The following ROR1 variants were observed in gnomAD, a reference collection of about 807,000 sequenced individuals.
The protein encoded by ROR1 is inactive tyrosine-protein kinase transmembrane receptor ROR1.
ROR1 carries 19 observed loss-of-function variants against 78.8 expected under a neutral mutation model. The ratio of observed to expected loss-of-function variants is 0.24; its 90% confidence interval spans 0.17 to 0.35. ROR1 has a LOEUF of 0.35. Ranked by LOEUF, ROR1 falls within the 10% of genes least tolerant of loss-of-function variation. The probability of loss-of-function intolerance (pLI) is 1.00; values close to 1 mark genes in which losing one functional copy is unlikely to be tolerated. For missense variants in ROR1, 917 were observed against 1,177.8 expected, an observed-to-expected ratio of 0.78 and a Z score of 3.24; for synonymous variants, 386 against 433.6, an observed-to-expected ratio of 0.89 and a Z score of 1.36.
At chr1:64,072,324 G>T (rs1420726936) in intron 4 of ROR1, among the ~76,000 whole-genome samples, 1 of 152,056 alleles carries the variant, frequency 6.6e-6, no homozygotes, top group Non-Finnish European at 1.5e-5. Flanking sequence ...GTGTGTAAAT[G>T]GCCCTCAGAG....
At chr1:64,083,259 G>A (rs900661777) in intron 4 of ROR1, among the ~76,000 whole-genome samples, 1 of 152,124 alleles carries the variant, frequency 6.6e-6, no homozygotes, top group Non-Finnish European at 1.5e-5. Context: ...AGCTTTTTAG[G>A]AACAGGTGAT....
chr1:64,030,987 C>A (rs1180078058), intron 2 of ROR1, among the ~76,000 whole-genome samples: 1 of 152,138 alleles, frequency 6.6e-6, no homozygotes, highest in African/African-American at 2.4e-5. Context: ...ATCGATCTTC[C>A]CACTTCAGCC....
intron 4 of ROR1, among the ~76,000 whole-genome samples, chr1:64,056,354 ATTAT>A (rs55742208): frequency 8.1e-5 from 12 of 148,312 alleles, no homozygotes; most frequent in African/African-American, 1.5e-4. Context: ...TTATTTAAAA[ATTAT>A]TTATTTATTT....
At chr1:63,999,421 T>G (rs779910336) in intron 1 of ROR1, among the ~76,000 whole-genome samples, 1 of 152,340 alleles carries the variant, frequency 6.6e-6, no homozygotes, top group South Asian at 2.1e-4. Flanking sequence ...AAATATCTGG[T>G]TTGCCATAAG....
intron 1 of ROR1, among the ~76,000 whole-genome samples, chr1:63,893,213 G>C (rs1164419056): frequency 6.6e-6 from 1 of 152,046 alleles, no homozygotes; most frequent in East Asian, 1.9e-4. Flanking sequence ...TTTTTGTATT[G>C]AGAGGGCAGT....
intron 1 of ROR1, among the ~76,000 whole-genome samples, chr1:63,827,189 C>T (rs773579562): frequency 6.6e-6 from 1 of 151,978 alleles, no homozygotes; most frequent in Non-Finnish European, 1.5e-5. Flanking sequence ...GATATTAGAC[C>T]TTTGCTGGGT....
intron 1 of ROR1, among the ~76,000 whole-genome samples, chr1:63,908,290 G>A (rs1400773216): frequency 2.0e-5 from 3 of 152,102 alleles, no homozygotes; most frequent in Non-Finnish European, 2.9e-5. Flanking sequence ...AATGAGGAGT[G>A]ACAAAGCAAA....
chr1:63,967,637 C>A (rs574128226), intron 1 of ROR1, among the ~76,000 whole-genome samples: 1 of 152,148 alleles, frequency 6.6e-6, no homozygotes, highest in East Asian at 1.9e-4. Flanking sequence ...GAAGATGTTC[C>A]GTTGGCACTG....
At chr1:63,803,412 C>T (rs951840047) in intron 1 of ROR1, among the ~76,000 whole-genome samples, 5 of 151,120 alleles carry the variant, frequency 3.3e-5, no homozygotes, top group South Asian at 4.2e-4. Flanking sequence ...GGCGCAATAT[C>T]GGCTCACTGC....
chr1:64,087,115 A>T (rs1569718458), intron 4 of ROR1, among the ~76,000 whole-genome samples: 1 of 152,172 alleles, frequency 6.6e-6, no homozygotes, highest in Non-Finnish European at 1.5e-5. Flanking sequence ...TGAATTTAAT[A>T]CCAGCCATTG....
chr1:64,009,706 C>G (rs1646460475), intron 2 of ROR1, among the ~76,000 whole-genome samples: 1 of 152,046 alleles, frequency 6.6e-6, no homozygotes, highest in Non-Finnish European at 1.5e-5. Flanking sequence ...TTGATTCAGC[C>G]CAAGCCAGGA....
At chr1:64,085,524 G>A (rs1387342256) in intron 4 of ROR1, among the ~76,000 whole-genome samples, 2 of 152,158 alleles carry the variant, frequency 1.3e-5, no homozygotes, top group Non-Finnish European at 1.5e-5. Flanking sequence ...CTTTGAGAAT[G>A]TGTTTATTCA....
At chr1:63,926,123 T>C (rs1645701156) in intron 1 of ROR1, among the ~76,000 whole-genome samples, 1 of 152,060 alleles carries the variant, frequency 6.6e-6, no homozygotes, top group Non-Finnish European at 1.5e-5. Flanking sequence ...GCCTAGGTTT[T>C]CTTCTAGGGT....
At chr1:63,889,662 T>C (rs1026940360) in intron 1 of ROR1, among the ~76,000 whole-genome samples, 4 of 152,192 alleles carry the variant, frequency 2.6e-5, no homozygotes, top group African/African-American at 9.7e-5. Flanking sequence ...ACCAAAGATT[T>C]GCAAATTCAA....
chr1:63,785,121 T>C (rs986232798), intron 1 of ROR1, among the ~76,000 whole-genome samples: 1 of 152,230 alleles, frequency 6.6e-6, no homozygotes, highest in Admixed American at 6.5e-5. Context: ...ACTGACACCA[T>C]TTCCGGATGG....
chr1:63,774,493 G>C lies in ROR1; in HGVS notation c.76G>C (p.Gly26Arg). ...LLAALLLAARGAAAQETELSV... is the reference protein window; with the variant it reads ...LLAALLLAARRAAAQETELSV... ...GGCCGCGCTGCTGCTGGCCGCACGC[G>C]GGGCTGCTGCCCAAGGTAAGAGGCG... is the stretch of plus-strand genomic sequence containing the variant. The change falls in exon 1 of 9, where the codon GGG becomes CGG. Residue 26 changes from glycine to arginine, a missense_variant. Physicochemically the swap from Gly to Arg is moderately radical, Grantham distance 125 (BLOSUM62 -2). Coordinates refer to ENST00000371079, the MANE Select transcript of ROR1 (RefSeq NM_005012.4). This position sits in a 1 kb window ranked among gnomAD's most constrained non-coding sequence, Gnocchi z 5.7. 3 of 1,144,498 alleles carry C rather than the reference G, an allele frequency of 2.6e-6. No individual in the cohort carries two copies. The highest frequency in any genetic ancestry group is 3.2e-6 in the Non-Finnish European group (3 of 936,406). 70.9% of individuals were successfully genotyped at this position (1,144,498 alleles called of 1,614,324 possible).
intron 4 of ROR1, chr1:64,105,311 T>C (rs1381671130): frequency 6.6e-6 from 1 of 152,230 alleles, no homozygotes; most frequent in African/African-American, 2.4e-5. Flanking sequence ...GGGTTATTTT[T>C]TTCTTGTCAA....
intron 4 of ROR1, among the ~76,000 whole-genome samples, chr1:64,076,688 C>T (rs11208347): frequency 0.33 from 49,659 of 152,132 alleles, 9,796 homozygotes; most frequent in East Asian, 0.59. Context: ...AACAGCAGCA[C>T]AGGATAACCA....
chr1:63,921,746 G>C (rs1284217667), intron 1 of ROR1, among the ~76,000 whole-genome samples: 1 of 152,102 alleles, frequency 6.6e-6, no homozygotes, highest in East Asian at 1.9e-4. Context: ...TTACAGACTT[G>C]CTATGTGACC....
Sources: allele counts gnomAD v4.1 joint callset (sites outside exome capture counted in the v4.1 genomes callset), GRCh38; gene constraint gnomAD v4.1.1; non-coding constraint Gnocchi (gnomAD v3.1); transcripts MANE v1.5; gene names NCBI Gene and HGNC (gene_info 2026-07-23, HGNC 2026-07-21).